Variants in DSTN observed in about 807,000 individuals in gnomAD.
DSTN encodes the protein destrin, actin depolymerizing factor.
In DSTN, 10 loss-of-function variants were observed where a neutral mutation model predicts 16.8. The observed-to-expected ratio is 0.60, with a 90% CI of 0.37 to 1.01. The LOEUF (loss-of-function observed/expected upper bound fraction) is 1.01. Among genes scored for constraint, DSTN ranks in the 50% least tolerant of loss-of-function variants. The probability of loss-of-function intolerance (pLI) is 0.01; values close to 1 mark genes in which losing one functional copy is unlikely to be tolerated. For synonymous variants in DSTN, 57 were observed against 58.9 expected, an observed-to-expected ratio of 0.97 and a Z score of 0.14; for missense variants, 141 against 196.7, an observed-to-expected ratio of 0.72 and a Z score of 1.69.
Position 17,608,454 on chromosome 20 carries a change from GATCTC to G in DSTN, c.*1313_*1317del, listed in dbSNP as rs1180028311. The G allele has an allele frequency of 1.3e-5, 2 of 151,958 alleles. No homozygotes were observed. Among genetic ancestry groups the G allele is most frequent in the Non-Finnish European group, 2.9e-5 (2 of 68,010 alleles). 9.4% of individuals were successfully genotyped at this position (151,958 alleles called of 1,614,324 possible). A position where few individuals can be genotyped will look rare whatever the true frequency, so the allele number is the denominator to read the frequency against. ...ACAATCAGCGTGGGCAACATAGTGGGATCTCATCTACTAAAAATAAACAAAATTAG... is the reference window on the plus strand; with the variant it reads ...ACAATCAGCGTGGGCAACATAGTGGGATCTACTAAAAATAAACAAAATTAG... On this transcript the variant is annotated 3_prime_UTR_variant, in exon 4 of 4. Transcript: ENST00000246069.
chr20:17,601,503 C>G (rs1233991757), intron 2 of DSTN, among the ~76,000 whole-genome samples: 1 of 152,160 alleles, frequency 6.6e-6, no homozygotes, highest in African/African-American at 2.4e-5. Flanking sequence ...ATAATTTGCT[C>G]TACAGTTGCA....
intron 1 of DSTN, among the ~76,000 whole-genome samples, chr20:17,592,342 G>A (rs781087512): frequency 3.3e-5 from 5 of 150,674 alleles, no homozygotes; most frequent in South Asian, 2.1e-4. Context: ...TGGGAGGATC[G>A]CTTGAGCCCA....
chr20:17,574,827 T>C (rs6044889), intron 1 of DSTN, among the ~76,000 whole-genome samples: 15 of 149,084 alleles, frequency 1.0e-4, no homozygotes, highest in African/African-American at 3.7e-4. Flanking sequence ...TTCCTTTTTT[T>C]CCTTTCTTTT....
intron 1 of DSTN, among the ~76,000 whole-genome samples, chr20:17,597,621 CTT>C (rs1202451138): frequency 1.3e-5 from 2 of 152,180 alleles, no homozygotes; most frequent in Non-Finnish European, 2.9e-5. Flanking sequence ...TCTCCATTGT[CTT>C]TTATTTCACA....
chr20:17,574,455 C>A (rs775788825), intron 1 of DSTN, among the ~76,000 whole-genome samples: 1 of 152,166 alleles, frequency 6.6e-6, no homozygotes, highest in Admixed American at 6.5e-5. Flanking sequence ...ACACTTACCC[C>A]TCTCTTTCCT....
chr20:17,591,996 A>G (rs1168003281), intron 1 of DSTN: 23 of 985,390 alleles, frequency 2.3e-5, no homozygotes, highest in Non-Finnish European at 2.7e-5. Context: ...GAGGAGATAC[A>G]CAGGCACTAC....
At chr20:17,572,876 G>A (rs2035223302) in intron 1 of DSTN, among the ~76,000 whole-genome samples, 1 of 152,116 alleles carries the variant, frequency 6.6e-6, no homozygotes, top group Non-Finnish European at 1.5e-5. Flanking sequence ...CATATTTCAG[G>A]TTTTTATGTT....
rs2035679028 is a variant in DSTN at position 17,609,712 on chromosome 20, A to G, written c.*2566A>G. On this transcript the variant is annotated 3_prime_UTR_variant, in exon 4 of 4. Coordinates refer to ENST00000246069, the MANE Select transcript of DSTN (RefSeq NM_006870.4). ...CAAGCACTCAAGGCGATTCTGGTACATAATTAGGGTTCAGACCTCAGCTGA... is the reference window on the plus strand; with the variant it reads ...CAAGCACTCAAGGCGATTCTGGTACGTAATTAGGGTTCAGACCTCAGCTGA... 1 of 152,250 alleles carries G rather than the reference A, an allele frequency of 6.6e-6. No individual in the cohort carries two copies. The highest frequency in any genetic ancestry group is 1.5e-5 in the Non-Finnish European group (1 of 68,042). 9.4% of individuals were successfully genotyped at this position (152,250 alleles called of 1,614,324 possible).
At chr20:17,598,360 G>A (rs950011233) in intron 1 of DSTN, among the ~76,000 whole-genome samples, 1 of 152,106 alleles carries the variant, frequency 6.6e-6, no homozygotes, top group African/African-American at 2.4e-5. Flanking sequence ...ATTTGTTATT[G>A]TCCATCTTTT....
intron 2 of DSTN, among the ~76,000 whole-genome samples, chr20:17,602,685 G>A (rs2035599030): frequency 6.6e-6 from 1 of 152,206 alleles, no homozygotes; most frequent in Non-Finnish European, 1.5e-5. Context: ...TAGAATAAAA[G>A]CAGAACAGCT....
intron 3 of DSTN, among the ~76,000 whole-genome samples, chr20:17,605,931 T>C (rs543820291): frequency 2.6e-5 from 4 of 151,000 alleles, no homozygotes; most frequent in East Asian, 3.9e-4. Context: ...GGTGAAACCC[T>C]GTCTCTACTA....
At chr20:17,603,816 A>C (rs1461491051) in intron 2 of DSTN, among the ~76,000 whole-genome samples, 3 of 152,236 alleles carry the variant, frequency 2.0e-5, no homozygotes, top group Non-Finnish European at 4.4e-5. Context: ...AGATTATACA[A>C]GTGGATTTAA....
intron 1 of DSTN, among the ~76,000 whole-genome samples, chr20:17,595,057 C>A (rs1400544628): frequency 1.3e-5 from 2 of 152,188 alleles, no homozygotes; most frequent in African/African-American, 4.8e-5. Context: ...TGATTGAAAG[C>A]TTGAGCTTGG....
intron 1 of DSTN, among the ~76,000 whole-genome samples, chr20:17,588,578 G>A (rs770281034): frequency 6.6e-6 from 1 of 152,110 alleles, no homozygotes; most frequent in African/African-American, 2.4e-5. Context: ...TCAGGAGATC[G>A]AGACCATCCT....
rs372734280 is a variant in DSTN at position 17,604,541 on chromosome 20, A to G, written c.312-14A>G. 6.2e-7 allele frequency: 1 copy of G among 1,602,146 alleles called. No individual in the cohort carries two copies. The highest frequency in any genetic ancestry group is 8.5e-7 in the Non-Finnish European group (1 of 1,177,300). Reference sequence around the variant, plus strand: ...CTAAACCACTTTTTTCATTTTTGGCATCTTTCTATCTAGGGCACCAGAACT... The same window carrying G: ...CTAAACCACTTTTTTCATTTTTGGCGTCTTTCTATCTAGGGCACCAGAACT... On this transcript the variant is annotated splice_polypyrimidine_tract_variant and intron_variant, in intron 2 of 3. Transcript: ENST00000246069.
intron 1 of DSTN, among the ~76,000 whole-genome samples, chr20:17,591,460 CCTA>C (rs1216590691): frequency 2.6e-5 from 4 of 151,980 alleles, no homozygotes; most frequent in Admixed American, 2.6e-4. Context: ...TGACTTTGGA[CCTA>C]CTAATATTGG....
At position 17,607,203 on chromosome 20, in the gene DSTN, T is replaced by G; in HGVS notation, c.*57T>G. The G allele has an allele frequency of 6.5e-7, 1 of 1,528,812 alleles. No individual in the cohort carries two copies. Among genetic ancestry groups the G allele is most frequent in the Non-Finnish European group, 9.0e-7 (1 of 1,115,904 alleles). 94.7% of individuals were successfully genotyped at this position (1,528,812 alleles called of 1,614,324 possible). ...TGTTTAATGTTATCCTCTTGCTATA[T>G]AAATAAAGCAAATATATTTAGGCCA... On this transcript the variant is annotated 3_prime_UTR_variant, in exon 4 of 4. Transcript: ENST00000246069.
Position 17,607,353 on chromosome 20 carries a change from G to T in DSTN, c.*207G>T. Reference sequence around the variant, plus strand: ...TTGATGTGAAATTAAATTCTTATTGGCCAAATGCCTGTTTTGATGAGTTGA... The same window carrying T: ...TTGATGTGAAATTAAATTCTTATTGTCCAAATGCCTGTTTTGATGAGTTGA... On this transcript the variant is annotated 3_prime_UTR_variant, in exon 4 of 4. Transcript: ENST00000246069. 1 of 448,838 alleles carries T rather than the reference G, an allele frequency of 2.2e-6. No homozygotes were observed. 27.8% of individuals were successfully genotyped at this position (448,838 alleles called of 1,614,324 possible). A position where few individuals can be genotyped will look rare whatever the true frequency, so the allele number is the denominator to read the frequency against.
intron 1 of DSTN, among the ~76,000 whole-genome samples, chr20:17,586,686 C>T (rs1395981467): frequency 2.0e-5 from 3 of 152,054 alleles, no homozygotes; most frequent in African/African-American, 7.2e-5. Context: ...ATTCTGTTAC[C>T]CAAAGATTTC....
Sources: allele counts gnomAD v4.1 joint callset (sites outside exome capture counted in the v4.1 genomes callset), GRCh38; gene constraint gnomAD v4.1.1; transcripts MANE v1.5; gene names NCBI Gene and HGNC (gene_info 2026-07-23, HGNC 2026-07-21).